MYO1E: variants seen among roughly 807,000 people sequenced by gnomAD.
MYO1E encodes the protein myosin IE.
Under a neutral mutation model 151.1 loss-of-function variants are expected in MYO1E, and 68 were observed. The ratio of observed to expected loss-of-function variants is 0.45; its 90% CI spans 0.37 to 0.55. The LOEUF (loss-of-function observed/expected upper bound fraction) is 0.55, where lower values mean the gene tolerates loss of function less well. MYO1E is among the 20% of genes least tolerant of loss of function. MYO1E has a pLI of 0.00. For missense variants in MYO1E, 1,363 were observed against 1,389.3 expected (o/e 0.98, Z 0.30); for synonymous variants, 601 against 501.7 (o/e 1.20, Z -2.64).
intron 1 of MYO1E, among the ~76,000 whole-genome samples, chr15:59,320,905 GAATAGGAGAAAATATTCAC>G (rs1457220701): frequency 6.6e-6 from 1 of 152,102 alleles, no homozygotes; most frequent in Non-Finnish European, 1.5e-5. Context: ...ACAACCTACA[GAATAGGAGAAAATATTCAC>G]AAACTATGCA....
In MYO1E at chr15:59,137,208, C is replaced by A; in HGVS notation, c.*172G>T. 1 of 667,036 alleles carries A rather than the reference C, an allele frequency of 1.5e-6. No homozygotes were observed. The highest frequency in any genetic ancestry group is 2.2e-5 in the Admixed American group (1 of 45,954). 41.3% of individuals were successfully genotyped at this position (667,036 alleles called of 1,614,324 possible). A position where few individuals can be genotyped will look rare whatever the true frequency, so the allele number is the denominator to read the frequency against. On this transcript the variant is annotated 3_prime_UTR_variant, in exon 28 of 28. Transcript: ENST00000288235. ...TTAGGATCACTTATGGAGTGATACT[C>A]CCTGTCCCCAACCCAGCCTTTTCAG...
intron 3 of MYO1E, among the ~76,000 whole-genome samples, chr15:59,257,576 T>A (rs1477954583): frequency 6.6e-6 from 1 of 152,214 alleles, no homozygotes; most frequent in African/African-American, 2.4e-5. Flanking sequence ...GTGCAGTGAC[T>A]TACTGTAGAA....
intron 4 of MYO1E, among the ~76,000 whole-genome samples, chr15:59,251,542 T>G (rs1331240420): frequency 1.3e-5 from 2 of 152,182 alleles, no homozygotes; most frequent in African/African-American, 4.8e-5. Flanking sequence ...ATGTTGAAAA[T>G]GTACTATTAA....
intron 26 of MYO1E, among the ~76,000 whole-genome samples, chr15:59,151,335 C>T (rs192131846): frequency 5.9e-5 from 9 of 152,160 alleles, no homozygotes; most frequent in Admixed American, 5.9e-4. Context: ...GAGGTTGACG[C>T]AGGACAGTCA....
chr15:59,228,069 G>A (rs1212414286), intron 6 of MYO1E, among the ~76,000 whole-genome samples: 1 of 152,128 alleles, frequency 6.6e-6, no homozygotes, highest in African/African-American at 2.4e-5. Context: ...AGCTACTGAC[G>A]GGCCTAGGGA....
chr15:59,264,376 A>C (rs1227486819), intron 2 of MYO1E, among the ~76,000 whole-genome samples: 1 of 152,228 alleles, frequency 6.6e-6, no homozygotes, highest in East Asian at 1.9e-4. Flanking sequence ...AAAAGCTAGA[A>C]TGTCTAAGAT....
At chr15:59,284,000 G>A (rs1340816595) in intron 1 of MYO1E, among the ~76,000 whole-genome samples, 1 of 152,120 alleles carries the variant, frequency 6.6e-6, no homozygotes, top group African/African-American at 2.4e-5. Flanking sequence ...AGAATACCTG[G>A]TACAAAGCCC....
At chr15:59,273,832 C>T (rs371440607) in intron 1 of MYO1E, among the ~76,000 whole-genome samples, 35 of 152,230 alleles carry the variant, frequency 2.3e-4, no homozygotes, top group African/African-American at 6.7e-4. Context: ...GTGCAGTGGG[C>T]ACTGCACTGG....
chr15:59,205,471 C>T lies in MYO1E; in HGVS notation c.1545G>A (p.Met515Ile). Residue 515 changes from methionine (M) to isoleucine (I), a missense_variant, in exon 15 of 28, where the codon ATG becomes ATA. Met to Ile is a conservative substitution (Grantham distance 10). Coordinates refer to ENST00000288235, the MANE Select transcript of MYO1E (RefSeq NM_004998.4). ...CCCGGTTCCTTTCACAAAAGCCATC[C>T]ATGTCATAGGATACCTGGCCAAGAA... Reference protein sequence around the residue: ...HHYAGKVSYDMDGFCERNRDV... With the variant: ...HHYAGKVSYDIDGFCERNRDV... 6.2e-7 allele frequency: 1 copy of T among 1,614,062 alleles called. No homozygotes were observed. Among genetic ancestry groups the T allele is most frequent in the Non-Finnish European group, 8.5e-7 (1 of 1,179,944 alleles).
chr15:59,273,618 CCGGAGGAGACCAGAGGAGGAAGGACA>C lies in MYO1E; in HGVS notation c.4-1195_4-1170del, dbSNP rs1262368643. Reference sequence around the variant, plus strand: ...GTAGGTCTAAGATATTTAGAATTTGCCGGAGGAGACCAGAGGAGGAAGGACATTCATTATAATCTATGCCGGAGGAG... The same window carrying C: ...GTAGGTCTAAGATATTTAGAATTTGCTTCATTATAATCTATGCCGGAGGAG... On this transcript the variant is annotated intron_variant, in intron 1 of 27. Coordinates refer to ENST00000288235, the MANE Select transcript of MYO1E (RefSeq NM_004998.4). Among the ~76,000 whole-genome samples the C allele has an allele frequency of 5.0e-3, 428 of 85,374 alleles. 3 individuals are homozygous for C. Among genetic ancestry groups the C allele is most frequent in the African/African-American group, 0.029 (396 of 13,732 alleles). The allele number at this position is 85,374 out of a possible 152,430, so 56.0% of individuals were successfully genotyped here.
rs1373782252 is a variant in MYO1E at position 59,350,999 on chromosome 15, C to G, written c.3+21499G>C. On this transcript the variant is annotated intron_variant, in intron 1 of 27. Transcript: ENST00000288235. This position sits in a 1 kb window ranked among gnomAD's most constrained non-coding sequence, Gnocchi z 5.0. The stretch of plus-strand genomic sequence containing the variant: ...GCAAGCTCCGCCTCCCAGGTTCACG[C>G]CATTCTCCAGCCTCAGCCTCCAGAG... Among the ~76,000 whole-genome samples the G allele has an allele frequency of 3.3e-5, 5 of 152,346 alleles. No homozygotes were observed. Among genetic ancestry groups the G allele is most frequent in the South Asian group, 2.1e-4 (1 of 4,828 alleles).
At chr15:59,295,967 C>A (rs1211757915) in intron 1 of MYO1E, among the ~76,000 whole-genome samples, 1 of 152,014 alleles carries the variant, frequency 6.6e-6, no homozygotes, top group African/African-American at 2.4e-5. Context: ...AAAGAGGGGG[C>A]AGGAGGAGGG....
chr15:59,228,006 T>A (rs7174147), intron 6 of MYO1E, among the ~76,000 whole-genome samples: 33,147 of 152,004 alleles, frequency 0.22, 3,978 homozygotes, highest in African/African-American at 0.33. Context: ...CTACGGAGCA[T>A]CTAAAATGTT....
intron 26 of MYO1E, among the ~76,000 whole-genome samples, chr15:59,142,617 G>A (rs1239283521): frequency 6.6e-6 from 1 of 152,090 alleles, no homozygotes; most frequent in African/African-American, 2.4e-5. Context: ...CTTTCTAACA[G>A]CTTCTCTCTG....
At chr15:59,223,936 C>G (rs1445820763) in intron 8 of MYO1E, among the ~76,000 whole-genome samples, 1 of 152,214 alleles carries the variant, frequency 6.6e-6, no homozygotes, top group Non-Finnish European at 1.5e-5. Context: ...ACCCAGGACA[C>G]AGTCTGTTTG....
At chr15:59,295,220 A>G (rs545793056) in intron 1 of MYO1E, among the ~76,000 whole-genome samples, 116 of 152,206 alleles carry the variant, frequency 7.6e-4, no homozygotes, top group African/African-American at 2.6e-3. Context: ...GTTAGGACTG[A>G]AAAAAGCTTA....
chr15:59,346,185 G>A (rs2080793151), intron 1 of MYO1E, among the ~76,000 whole-genome samples: 1 of 151,926 alleles, frequency 6.6e-6, no homozygotes, highest in Non-Finnish European at 1.5e-5. Context: ...GTGCTTTCTT[G>A]ACCTCAGGAT....
intron 1 of MYO1E, among the ~76,000 whole-genome samples, chr15:59,326,220 G>A (rs866736895): frequency 1.3e-4 from 20 of 151,900 alleles, no homozygotes; most frequent in African/African-American, 3.4e-4. Context: ...CTGGAAAAGC[G>A]CACAGTAGAA....
At chr15:59,362,752 A>G (rs2080892373) in intron 1 of MYO1E, among the ~76,000 whole-genome samples, 1 of 152,224 alleles carries the variant, frequency 6.6e-6, no homozygotes, top group Non-Finnish European at 1.5e-5. Flanking sequence ...ACTGTCCAAA[A>G]TATTCTGTGA....
Sources: gnomAD v4.1 joint callset for allele counts (sites outside exome capture counted in the v4.1 genomes callset) on GRCh38, gnomAD v4.1.1 for gene constraint, Gnocchi (gnomAD v3.1) non-coding constraint, MANE v1.5 for transcripts, NCBI Gene and HGNC (gene_info 2026-07-23, HGNC 2026-07-21) for gene names.